ZFPM1: variants seen among roughly 807,000 people sequenced by gnomAD.
The protein encoded by ZFPM1 is zinc finger protein, FOG family member 1.
ZFPM1 carries 28 observed loss-of-function variants against 46.3 expected under a neutral mutation model. The observed-to-expected ratio is 0.60, with a 90% CI of 0.45 to 0.83. ZFPM1 has a LOEUF of 0.83. ZFPM1 is among the 40% of genes least tolerant of loss of function. ZFPM1 has a pLI of 0.00. For synonymous variants in ZFPM1, 957 were observed against 675.9 expected, an observed-to-expected ratio of 1.42 and a Z score of -6.45; for missense variants, 1,878 against 1,432.4, an observed-to-expected ratio of 1.31 and a Z score of -5.02.
chr16:88,514,784 G>A lies in ZFPM1; in HGVS notation c.402+264G>A, dbSNP rs533350105. Among the ~76,000 whole-genome samples the A allele has an allele frequency of 3.2e-4, 48 of 152,338 alleles. No homozygotes were observed. The Middle Eastern group carries it at 0.014, about 43-fold the overall frequency. ...TTCTTTAAGCAGGACCTTGACAGAT[G>A]ACTGGGCATTGAAGCAGAGGAGAAG... is the stretch of plus-strand genomic sequence containing the variant. On this transcript the variant is annotated intron_variant, in intron 4 of 9. Transcript: ENST00000319555.
At position 88,453,688 on chromosome 16, in the gene ZFPM1, A is replaced by G; in HGVS notation, c.40+10A>G. The G allele has an allele frequency of 8.4e-7, 1 of 1,193,324 alleles. No homozygotes were observed. The highest frequency in any genetic ancestry group is 1.1e-6 in the Non-Finnish European group (1 of 945,976). 73.9% of individuals were successfully genotyped at this position (1,193,324 alleles called of 1,614,324 possible). On this transcript the variant is annotated intron_variant, in intron 1 of 9. Coordinates refer to ENST00000319555, the MANE Select transcript of ZFPM1 (RefSeq NM_153813.3). ...CCCCGGCAGATCAAGCGTGAGTCAA[A>G]CTTTGCCCGCGGTCCCCTCCGCGCG...
chr16:88,499,649 CA>C (rs1238304221), intron 3 of ZFPM1, among the ~76,000 whole-genome samples: 3 of 152,216 alleles, frequency 2.0e-5, no homozygotes, highest in Admixed American at 6.5e-5. Context: ...GAGGACGGCT[CA>C]GGGGCAGACA....
chr16:88,491,340 C>T (rs1335842212), intron 3 of ZFPM1, among the ~76,000 whole-genome samples: 1 of 152,194 alleles, frequency 6.6e-6, no homozygotes, highest in Non-Finnish European at 1.5e-5. Flanking sequence ...TGGCAGGGAC[C>T]ATTGTGTACC....
rs1426514243 is a variant in ZFPM1, at chr16:88,534,789, C to G, written c.2831C>G (p.Pro944Arg). 7.4e-7 allele frequency: 1 copy of G among 1,343,098 alleles called. No homozygotes were observed. Among genetic ancestry groups the G allele is most frequent in the Non-Finnish European group, 9.6e-7 (1 of 1,043,122 alleles). The allele number at this position is 1,343,098 out of a possible 1,614,324, so 83.2% of individuals were successfully genotyped here. The change falls in exon 10 of 10, where the codon CCG becomes CGG. Residue 944 changes from proline to arginine, a missense_variant. By Grantham distance (103) the Pro-to-Arg change is moderately radical. Transcript: ENST00000319555. Reference sequence around the variant, plus strand: ...CCGGCCGCCGCGCCCGAGGCCGTGCCGCCCCCGCCGGCGCCCCCCTCCTAC... The same window carrying G: ...CCGGCCGCCGCGCCCGAGGCCGTGCGGCCCCCGCCGGCGCCCCCCTCCTAC... Reference protein sequence around the residue: ...PSPAAAPEAVPPPPAPPSYSD... With the variant: ...PSPAAAPEAVRPPPAPPSYSD...
intron 3 of ZFPM1, among the ~76,000 whole-genome samples, chr16:88,504,469 T>C (rs1199663658): frequency 6.6e-6 from 1 of 152,014 alleles, no homozygotes; most frequent in Non-Finnish European, 1.5e-5. Context: ...GTGTTTAGCC[T>C]TCCAGAAGCC....
At chr16:88,462,541 T>C (rs1907945488) in intron 1 of ZFPM1, among the ~76,000 whole-genome samples, 1 of 152,194 alleles carries the variant, frequency 6.6e-6, no homozygotes, top group South Asian at 2.1e-4. Context: ...GCCTAGGACC[T>C]GCATGGCTGC....
At chr16:88,505,684 G>A (rs1401475736) in intron 3 of ZFPM1, among the ~76,000 whole-genome samples, 1 of 152,122 alleles carries the variant, frequency 6.6e-6, no homozygotes, top group Non-Finnish European at 1.5e-5. Flanking sequence ...CCTGCCGTCA[G>A]CTCCCGGGAA....
chr16:88,526,539 T>G lies in ZFPM1; in HGVS notation c.403-275T>G, dbSNP rs560715532. ...GCATGTTGCTCGACCTCTTTGGGCC[T>G]CAGTCTCCACAAGAACCCTGCGCCC... On this transcript the variant is annotated intron_variant, in intron 4 of 9. Coordinates refer to ENST00000319555, the MANE Select transcript of ZFPM1 (RefSeq NM_153813.3). Among the ~76,000 whole-genome samples the G allele has an allele frequency of 1.5e-3, 221 of 152,246 alleles. 2 individuals are homozygous for G. The highest frequency in any genetic ancestry group is 5.2e-3 in the African/African-American group (216 of 41,544).
rs928749194 is a variant in ZFPM1, at chr16:88,514,285, A to C, written c.269-102A>C. 10 of 1,506,106 alleles carry C rather than the reference A, an allele frequency of 6.6e-6. No individual in the cohort carries two copies. The South Asian group carries it at 1.3e-4, about 19-fold the overall frequency. 93.3% of individuals were successfully genotyped at this position (1,506,106 alleles called of 1,614,324 possible). A position where few individuals can be genotyped will look rare whatever the true frequency, so the allele number is the denominator to read the frequency against. On this transcript the variant is annotated intron_variant, in intron 3 of 9. Transcript: ENST00000319555. The stretch of plus-strand genomic sequence containing the variant: ...CCCCTGCCATTCACCCCAGGCCCCC[A>C]GGACTGCCACCCTCCACTGCCCCTT...
In ZFPM1 at chr16:88,499,360, A is replaced by G. The variant is rs558731392; in HGVS notation, c.268+10207A>G. On this transcript the variant is annotated intron_variant, in intron 3 of 9. Transcript: ENST00000319555. ...AGACAGGGGGATGCAGCGTGAGGAAAACAGACCTCCTCCAGAGCAGCCGCG... is the reference window on the plus strand; with the variant it reads ...AGACAGGGGGATGCAGCGTGAGGAAGACAGACCTCCTCCAGAGCAGCCGCG... 1.6e-4 allele frequency among the ~76,000 whole-genome samples: 24 copies of G among 152,366 alleles called. No homozygotes were observed. The East Asian group carries it at 4.4e-3, about 28-fold the overall frequency.
chr16:88,479,695 A>ACCCCCCCCCCCCC (rs533841401), intron 1 of ZFPM1, among the ~76,000 whole-genome samples: 1 of 135,960 alleles, frequency 7.4e-6, no homozygotes, highest in African/African-American at 2.7e-5. Context: ...CAATGCTGTG[A>ACCCCCCCCCCCCC]CCCCCCCCCA....
At chr16:88,502,056 G>GCC (rs34910465) in intron 3 of ZFPM1, among the ~76,000 whole-genome samples, 7 of 105,916 alleles carry the variant, frequency 6.6e-5, no homozygotes, top group East Asian at 2.5e-4. Flanking sequence ...GGCTCCACCC[G>GCC]CCCCCCCCCA....
chr16:88,496,222 G>C (rs1425294268), intron 3 of ZFPM1, among the ~76,000 whole-genome samples: 1 of 152,148 alleles, frequency 6.6e-6, no homozygotes, highest in African/African-American at 2.4e-5. Context: ...CCATGAGGAG[G>C]GACCAGCCTG....
At chr16:88,476,429 G>A (rs916996331) in intron 1 of ZFPM1, among the ~76,000 whole-genome samples, 4 of 152,138 alleles carry the variant, frequency 2.6e-5, no homozygotes, top group Non-Finnish European at 4.4e-5. Flanking sequence ...GAGGGAGAGA[G>A]GGCCGCCAAG....
intron 2 of ZFPM1, among the ~76,000 whole-genome samples, chr16:88,487,618 C>T (rs1472652084): frequency 6.6e-6 from 1 of 152,074 alleles, no homozygotes. Context: ...GGCTTGGGAG[C>T]GGGATTTCTC....
chr16:88,491,076 C>G (rs113222138), intron 3 of ZFPM1, among the ~76,000 whole-genome samples: 150 of 146,696 alleles, frequency 1.0e-3, no homozygotes, highest in African/African-American at 3.6e-3. Context: ...GGTGCCTTCG[C>G]GGGTCCCAGT....
chr16:88,489,453 T>G, intron 3 of ZFPM1: 3 of 337,380 alleles, frequency 8.9e-6, no homozygotes, highest in Non-Finnish European at 1.6e-5. Flanking sequence ...TGGTAAAGAA[T>G]CCTCAGAGGC....
At chr16:88,508,516 C>T (rs954978354) in intron 3 of ZFPM1, among the ~76,000 whole-genome samples, 1 of 152,302 alleles carries the variant, frequency 6.6e-6, no homozygotes, top group South Asian at 2.1e-4. Flanking sequence ...ACGTGGGTTC[C>T]CCTGGTCTCT....
rs1168921425 is a variant in ZFPM1, at chr16:88,493,294, G to A, written c.268+4141G>A. ...GTCCCGGAGTGAGGAGAGCTGTTCC[G>A]GGGTGGAGAAAGCTGTCCTGGGGTG... On this transcript the variant is annotated intron_variant, in intron 3 of 9. Transcript: ENST00000319555. 8.9e-5 allele frequency among the ~76,000 whole-genome samples: 13 copies of A among 146,000 alleles called. 1 individual carries two copies. The highest frequency in any genetic ancestry group is 8.7e-4 in the South Asian group (4 of 4,600).
Sources: allele counts gnomAD v4.1 joint callset (sites outside exome capture counted in the v4.1 genomes callset), GRCh38; gene constraint gnomAD v4.1.1; transcripts MANE v1.5; gene names NCBI Gene and HGNC (gene_info 2026-07-23, HGNC 2026-07-21).